DACH2: variants seen among roughly 807,000 people sequenced by gnomAD.
DACH2 encodes the protein dachshund family transcription factor 2.
A neutral mutation model predicts 35.8 loss-of-function variants in DACH2; 17 were observed. That is an observed-to-expected ratio of 0.48 (90% CI 0.33 to 0.71). The LOEUF is 0.71. Ranked by LOEUF, DACH2 falls within the 30% of genes least tolerant of loss-of-function variation. The pLI, the probability that DACH2 is intolerant of heterozygous loss-of-function variation, is 0.02. For missense variants in DACH2, 469 were observed against 472.7 expected (o/e 0.99, Z 0.07); for synonymous variants, 195 against 177.3 (o/e 1.10, Z -0.79).
chrX:86,770,498 T>A, intron 7 of DACH2, among the ~76,000 whole-genome samples: 1 of 111,593 alleles, frequency 9.0e-6, no homozygotes, highest in African/African-American at 3.2e-5. Context: ...CCTTTCCTCC[T>A]TGCCCAACTG....
intron 1 of DACH2, among the ~76,000 whole-genome samples, chrX:86,324,950 C>T (rs182971629): frequency 9.1e-6 from 1 of 109,909 alleles, no homozygotes; most frequent in Non-Finnish European, 1.9e-5. Context: ...TTAGGACTTG[C>T]CAAAGGCTCA....
intron 2 of DACH2, among the ~76,000 whole-genome samples, chrX:86,438,219 GTTTTTT>G (rs695264): frequency 9.5e-4 from 77 of 81,139 alleles, no homozygotes; most frequent in African/African-American, 3.7e-3. Flanking sequence ...GATCTCGTAG[GTTTTTT>G]TTTTTTTTTT....
At chrX:86,158,812 T>C (rs988132490) in intron 1 of DACH2, among the ~76,000 whole-genome samples, 1 of 111,658 alleles carries the variant, frequency 9.0e-6, no homozygotes, top group African/African-American at 3.3e-5. Context: ...CCTCATGCAT[T>C]ATATCAGTAA....
intron 3 of DACH2, among the ~76,000 whole-genome samples, chrX:86,599,401 T>G (rs1382190721): frequency 9.0e-6 from 1 of 110,737 alleles, no homozygotes; most frequent in Non-Finnish European, 1.9e-5. Context: ...AATTGCCTCT[T>G]TTCTTCTTTC....
intron 1 of DACH2, among the ~76,000 whole-genome samples, chrX:86,311,508 A>G (rs1299500673): frequency 9.0e-6 from 1 of 111,381 alleles, no homozygotes; most frequent in Non-Finnish European, 1.9e-5. Flanking sequence ...CTGAATCACC[A>G]TCCAATATAT....
intron 5 of DACH2, among the ~76,000 whole-genome samples, chrX:86,701,342 G>A (rs1184089769): frequency 9.0e-6 from 1 of 111,575 alleles, no homozygotes; most frequent in African/African-American, 3.3e-5. Flanking sequence ...CAGTAAACTA[G>A]GCATTGAAGG....
intron 7 of DACH2, 120 bp from the exon 8 acceptor site, chrX:86,812,736 G>A: frequency 2.4e-6 from 1 of 412,553 alleles, no homozygotes; most frequent in Non-Finnish European, 4.0e-6. Context: ...TTCTAATTAT[G>A]AGAATGTCAG....
intron 6 of DACH2, among the ~76,000 whole-genome samples, chrX:86,727,035 T>C (rs1397091479): frequency 2.7e-5 from 3 of 112,791 alleles, no homozygotes; most frequent in Admixed American, 9.4e-5. Flanking sequence ...TATTTAAATT[T>C]GTATAACTCA....
intron 2 of DACH2, among the ~76,000 whole-genome samples, chrX:86,493,601 C>G (rs1468456091): frequency 9.0e-6 from 1 of 111,235 alleles, no homozygotes; most frequent in East Asian, 2.8e-4. Flanking sequence ...TGTGTGCATG[C>G]ATATGTGAGT....
intron 1 of DACH2, among the ~76,000 whole-genome samples, chrX:86,221,387 T>A (rs2032707472): frequency 8.9e-6 from 1 of 111,866 alleles, no homozygotes; most frequent in Admixed American, 9.5e-5. Context: ...TGGGTTTAAT[T>A]CTGAGCTCTC....
chrX:86,684,732 CTGAT>C (rs1025886476), intron 4 of DACH2, among the ~76,000 whole-genome samples: 6 of 109,202 alleles, frequency 5.5e-5, no homozygotes, highest in South Asian at 3.8e-4. Context: ...TAAAAATTTT[CTGAT>C]TGATTATGAA....
intron 2 of DACH2, among the ~76,000 whole-genome samples, chrX:86,457,528 T>G (rs758728287): frequency 3.6e-5 from 4 of 112,409 alleles, no homozygotes; most frequent in Non-Finnish European, 7.5e-5. Context: ...TTTATTAATT[T>G]GCTAATTCAC....
chrX:86,245,397 T>G (rs1023000531), intron 1 of DACH2, among the ~76,000 whole-genome samples: 26 of 111,923 alleles, frequency 2.3e-4, no homozygotes, highest in African/African-American at 8.4e-4. Flanking sequence ...TGTCACCACC[T>G]GATGAGGTGC....
At chrX:86,220,165 CAAAAAAAA>C (rs57964243) in intron 1 of DACH2, among the ~76,000 whole-genome samples, 6,161 of 49,928 alleles carry the variant, frequency 0.12, 271 homozygotes, top group East Asian at 0.22. Flanking sequence ...GACTCCATCT[CAAAAAAAA>C]AAAAAAAAAA....
At chrX:86,704,334 A>G (rs948141750) in intron 5 of DACH2, among the ~76,000 whole-genome samples, 1 of 111,731 alleles carries the variant, frequency 9.0e-6, no homozygotes, top group Non-Finnish European at 1.9e-5. Flanking sequence ...ACCTCGATTA[A>G]TAAAAATTCT....
intron 2 of DACH2, among the ~76,000 whole-genome samples, chrX:86,427,785 T>A (rs1469958101): frequency 8.9e-6 from 1 of 111,995 alleles, no homozygotes; most frequent in African/African-American, 3.2e-5. Context: ...ATAAAACAAC[T>A]AAAGTCAAAG....
At chrX:86,344,146 T>C (rs1419211270) in intron 1 of DACH2, among the ~76,000 whole-genome samples, 5 of 110,381 alleles carry the variant, frequency 4.5e-5, no homozygotes, top group Non-Finnish European at 9.5e-5. Context: ...TCACATTGCA[T>C]GCCTGTATCA....
intron 1 of DACH2, among the ~76,000 whole-genome samples, chrX:86,359,196 A>C (rs1222452181): frequency 1.8e-5 from 2 of 110,035 alleles, no homozygotes; most frequent in Non-Finnish European, 3.8e-5. Flanking sequence ...ATTAATTTAT[A>C]TTGATTCTGG....
At chrX:86,722,703 T>A (rs754448202) in intron 6 of DACH2, among the ~76,000 whole-genome samples, 6 of 111,490 alleles carry the variant, frequency 5.4e-5, no homozygotes, top group Non-Finnish European at 1.1e-4. Flanking sequence ...CACTTGATCA[T>A]TATATATTAT....
Sources: gnomAD v4.1 joint callset for allele counts (sites outside exome capture counted in the v4.1 genomes callset) on GRCh38, gnomAD v4.1.1 for gene constraint, MANE v1.5 for transcripts, NCBI Gene and HGNC (gene_info 2026-07-23, HGNC 2026-07-21) for gene names.